The following HEMK2 variants were observed in gnomAD, a reference collection of about 807,000 sequenced individuals.
The protein encoded by HEMK2 is methyltransferase HEMK2.
the HEMK2 span, among the ~76,000 whole-genome samples, chr21:28,739,298 A>G: frequency 6.6e-6 from 1 of 152,210 alleles, no homozygotes; most frequent in African/African-American, 2.4e-5. Flanking sequence ...AGGCTATGAA[A>G]TTGGCCATTC....
At chr21:28,815,882 T>C in the HEMK2 span, among the ~76,000 whole-genome samples, 1,104 of 151,960 alleles carry the variant, frequency 7.3e-3, 5 homozygotes, top group Admixed American at 0.012. Context: ...CCCCCTGAAT[T>C]TATATATTGA....
chr21:28,680,507 T>C, the HEMK2 span, among the ~76,000 whole-genome samples: 479 of 152,278 alleles, frequency 3.1e-3, 1 homozygote, highest in African/African-American at 0.011. Context: ...TCTGAAACTA[T>C]TCCAATAAAT....
At chr21:28,864,913 T>TATAGATAG in the HEMK2 span, among the ~76,000 whole-genome samples, 333 of 144,208 alleles carry the variant, frequency 2.3e-3, 8 homozygotes, top group African/African-American at 6.3e-3. Context: ...AGATAGATGA[T>TATAGATAG]ATAGATAGAT....
the HEMK2 span, among the ~76,000 whole-genome samples, chr21:28,705,675 C>T: frequency 3.5e-4 from 54 of 152,114 alleles, 1 homozygote; most frequent in African/African-American, 1.2e-3. Context: ...TATTATCTGA[C>T]GGTTCTGTAG....
chr21:28,677,080 G>C, the HEMK2 span, among the ~76,000 whole-genome samples: 1 of 152,180 alleles, frequency 6.6e-6, no homozygotes, highest in South Asian at 2.1e-4. Context: ...CACCAAGTGT[G>C]AGCTGAAGCA....
At chr21:28,741,281 G>C in the HEMK2 span, among the ~76,000 whole-genome samples, 1 of 152,128 alleles carries the variant, frequency 6.6e-6, no homozygotes, top group East Asian at 1.9e-4. Flanking sequence ...GATGACACAA[G>C]ATCATGCTTG....
At chr21:28,637,093 G>A in the HEMK2 span, among the ~76,000 whole-genome samples, 2 of 152,148 alleles carry the variant, frequency 1.3e-5, no homozygotes, top group African/African-American at 2.4e-5. Flanking sequence ...CAAATCTTCT[G>A]CTAAGTCATT....
At chr21:28,676,789 C>T in the HEMK2 span, among the ~76,000 whole-genome samples, 1 of 152,180 alleles carries the variant, frequency 6.6e-6, no homozygotes, top group Non-Finnish European at 1.5e-5. Flanking sequence ...TTATTCTCAC[C>T]CTTCAAATTG....
the HEMK2 span, chr21:28,872,850 G>T: frequency 1.3e-5 from 2 of 152,156 alleles, no homozygotes; most frequent in African/African-American, 2.4e-5. Flanking sequence ...CAACAAACTG[G>T]ATGATGTCCA....
chr21:28,857,399 A>G, the HEMK2 span, among the ~76,000 whole-genome samples: 1 of 152,138 alleles, frequency 6.6e-6, no homozygotes, highest in Non-Finnish European at 1.5e-5. Flanking sequence ...AAAGGATGTA[A>G]GTTTTAATGT....
chr21:28,667,325 G>A, the HEMK2 span, among the ~76,000 whole-genome samples: 1 of 152,128 alleles, frequency 6.6e-6, no homozygotes, highest in African/African-American at 2.4e-5. Flanking sequence ...CTGGGTTAAA[G>A]TGAAATGAGA....
At chr21:28,789,592 C>A in the HEMK2 span, among the ~76,000 whole-genome samples, 859 of 152,310 alleles carry the variant, frequency 5.6e-3, 12 homozygotes, top group Admixed American at 0.011. Context: ...TAGGTAAATT[C>A]TTTCTAGAGT....
chr21:28,881,736 A>G, the HEMK2 span, among the ~76,000 whole-genome samples: 1 of 148,970 alleles, frequency 6.7e-6, no homozygotes, highest in Admixed American at 6.8e-5. Context: ...GGGTCAAGTG[A>G]TCCTCGCATC....
chr21:28,800,540 T>C, the HEMK2 span, among the ~76,000 whole-genome samples: 1 of 152,126 alleles, frequency 6.6e-6, no homozygotes, highest in Admixed American at 6.6e-5. Context: ...TATAAATGTA[T>C]ATATATCATA....
chr21:28,882,144 A>G, the HEMK2 span: 2 of 1,552,214 alleles, frequency 1.3e-6, no homozygotes, highest in Non-Finnish European at 1.7e-6. Context: ...TTATTACTGG[A>G]CAAAGATTAT....
chr21:28,785,521 T>C, the HEMK2 span, among the ~76,000 whole-genome samples: 80 of 152,340 alleles, frequency 5.3e-4, no homozygotes, highest in African/African-American at 1.9e-3. Context: ...ATTAAGTATA[T>C]TCCCACTTTG....
chr21:28,659,367 T>C, the HEMK2 span, among the ~76,000 whole-genome samples: 1 of 152,090 alleles, frequency 6.6e-6, no homozygotes, highest in Non-Finnish European at 1.5e-5. Flanking sequence ...AGTTCCTCAA[T>C]CTGTATCAAA....
chr21:28,653,887 T>C, the HEMK2 span, among the ~76,000 whole-genome samples: 2 of 152,170 alleles, frequency 1.3e-5, no homozygotes, highest in East Asian at 3.8e-4. Flanking sequence ...GGCTCTATGA[T>C]TAGCAAAAGA....
chr21:28,879,447 G>C, the HEMK2 span, among the ~76,000 whole-genome samples: 1 of 152,146 alleles, frequency 6.6e-6, no homozygotes, highest in Non-Finnish European at 1.5e-5. Flanking sequence ...TCACCATGTT[G>C]GCCAGGCTGG....
Sources: gnomAD v4.1 joint callset for allele counts (sites outside exome capture counted in the v4.1 genomes callset) on GRCh38, gnomAD v4.1.1 for gene constraint, MANE v1.5 for transcripts, NCBI Gene and HGNC (gene_info 2026-07-23, HGNC 2026-07-21) for gene names.